The following SLC14A2 variants were observed in gnomAD, a reference collection of about 807,000 sequenced individuals.
The protein encoded by SLC14A2 is urea transporter 2.
Under a neutral mutation model 104.6 loss-of-function variants are expected in SLC14A2, and 91 were observed. That is an observed-to-expected ratio of 0.87 (90% CI 0.73 to 1.04). SLC14A2 has a LOEUF of 1.04. Ranked by LOEUF, SLC14A2 falls within the 50% of genes least tolerant of loss-of-function variation. SLC14A2 has a pLI of 0.00. For synonymous variants in SLC14A2, 476 were observed against 466.4 expected, an observed-to-expected ratio of 1.02 and a Z score of -0.27; for missense variants, 1,189 against 1,156.0, an observed-to-expected ratio of 1.03 and a Z score of -0.41.
At chr18:45,419,896 C>T (rs1017803467) in intron 1 of SLC14A2, among the ~76,000 whole-genome samples, 7 of 152,188 alleles carry the variant, frequency 4.6e-5, no homozygotes, top group African/African-American at 9.7e-5. Flanking sequence ...GATTCACCTC[C>T]GGTTCTCCCT....
At chr18:45,431,640 A>G (rs1214327687) in intron 1 of SLC14A2, among the ~76,000 whole-genome samples, 1 of 152,196 alleles carries the variant, frequency 6.6e-6, no homozygotes, top group Non-Finnish European at 1.5e-5. Context: ...GCCTGAAGGG[A>G]CAGCTCAGTT....
At chr18:45,349,179 A>G (rs2085478451) in intron 1 of SLC14A2, among the ~76,000 whole-genome samples, 1 of 152,214 alleles carries the variant, frequency 6.6e-6, no homozygotes, top group African/African-American at 2.4e-5. Context: ...ACAGCAGATC[A>G]TATTTGGAAG....
intron 2 of SLC14A2, among the ~76,000 whole-genome samples, chr18:45,510,622 GC>G (rs1444944511): frequency 6.6e-6 from 1 of 151,968 alleles, no homozygotes; most frequent in African/African-American, 2.4e-5. Flanking sequence ...CCACCCAGAG[GC>G]AGAATCAAAA....
chr18:45,520,093 G>A (rs976287122), intron 2 of SLC14A2, among the ~76,000 whole-genome samples: 1 of 152,200 alleles, frequency 6.6e-6, no homozygotes, highest in Non-Finnish European at 1.5e-5. Flanking sequence ...TACGTAGAGG[G>A]TGGAAACCAT....
At chr18:45,563,414 G>C (rs1333079943) in intron 2 of SLC14A2, among the ~76,000 whole-genome samples, 1 of 152,138 alleles carries the variant, frequency 6.6e-6, no homozygotes, top group Non-Finnish European at 1.5e-5. Flanking sequence ...AAAAAGAAAA[G>C]AATTCAAAAT....
chr18:45,501,638 A>G (rs2043200919), intron 2 of SLC14A2, among the ~76,000 whole-genome samples: 1 of 152,214 alleles, frequency 6.6e-6, no homozygotes. Flanking sequence ...CTGGGCAAGG[A>G]TAAAGTTAGC....
chr18:45,212,288 T>A (rs1727070434), upstream of SLC14A2, among the ~76,000 whole-genome samples: 1 of 152,176 alleles, frequency 6.6e-6, no homozygotes, highest in Non-Finnish European at 1.5e-5. Flanking sequence ...TGTAAGAAAC[T>A]GTAGCAAGTC....
At chr18:45,538,257 T>G (rs985383203) in intron 2 of SLC14A2, among the ~76,000 whole-genome samples, 3 of 152,188 alleles carry the variant, frequency 2.0e-5, no homozygotes, top group African/African-American at 7.2e-5. Context: ...GGAGAGCCTT[T>G]GAAATATGGT....
At chr18:45,177,736 G>T in the SLC14A2 span, among the ~76,000 whole-genome samples, 1 of 152,138 alleles carries the variant, frequency 6.6e-6, no homozygotes. Context: ...GGTCCTTCCT[G>T]AGACATGAGA....
intron 1 of SLC14A2, among the ~76,000 whole-genome samples, chr18:45,437,143 T>G (rs925661060): frequency 7.9e-5 from 12 of 152,220 alleles, no homozygotes; most frequent in Admixed American, 7.8e-4. Context: ...TGCTTTGCCC[T>G]TTATTTTCAT....
chr18:45,423,675 T>C (rs539048530), intron 1 of SLC14A2: 1 of 152,184 alleles, frequency 6.6e-6, no homozygotes, highest in South Asian at 2.1e-4. Flanking sequence ...AAAAAAATCT[T>C]TTTAAAAAAA....
rs887047272 is a variant in SLC14A2, at chr18:45,619,660, GGCGCTGA to G, written c.-35+4081_-35+4087del. ...TTCTTGGAAGCAGGTTTAATGGACT[GGCGCTGA>G]GCTGAGCTGGGAACGGGCTGAGGCC... On this transcript the variant is annotated intron_variant, in intron 1 of 19. Coordinates refer to ENST00000255226, the MANE Select transcript of SLC14A2 (RefSeq NM_007163.4). Among the ~76,000 whole-genome samples, 123 of 152,304 alleles carry G rather than the reference GGCGCTGA, an allele frequency of 8.1e-4. 1 individual carries two copies. The highest frequency in any genetic ancestry group is 2.9e-3 in the African/African-American group (119 of 41,580).
At chr18:45,587,247 T>G (rs2044580035) in intron 2 of SLC14A2, among the ~76,000 whole-genome samples, 1 of 152,194 alleles carries the variant, frequency 6.6e-6, no homozygotes, top group African/African-American at 2.4e-5. Flanking sequence ...AGTGCTGGGA[T>G]TACAGACATG....
chr18:45,557,416 G>T (rs778643565), intron 2 of SLC14A2, among the ~76,000 whole-genome samples: 2 of 152,220 alleles, frequency 1.3e-5, no homozygotes, highest in Non-Finnish European at 2.9e-5. Flanking sequence ...ATGTGTGTAA[G>T]TTGCATTTAT....
Position 45,359,732 on chromosome 18 carries a change from T to C in SLC14A2, c.-124-123501T>C, listed in dbSNP as rs138611172. ...GCAGCAGCCTGGAGAGCACAAATTATGGCAAGCTGCTTCCAGCCCATTATG... is the reference window on the plus strand; with the variant it reads ...GCAGCAGCCTGGAGAGCACAAATTACGGCAAGCTGCTTCCAGCCCATTATG... On this transcript the variant is annotated intron_variant, in intron 1 of 20. Transcript: ENST00000586448. Among the ~76,000 whole-genome samples, 15 of 152,290 alleles carry C rather than the reference T, an allele frequency of 9.8e-5. No homozygotes were observed. The East Asian group carries it at 2.9e-3, about 29-fold the overall frequency.
At chr18:45,388,657 G>A (rs1008665255) in intron 1 of SLC14A2, among the ~76,000 whole-genome samples, 35 of 152,160 alleles carry the variant, frequency 2.3e-4, no homozygotes, top group African/African-American at 7.9e-4. Flanking sequence ...TTCCCCAAGA[G>A]AACACTTAAG....
chr18:45,189,740 A>G, the SLC14A2 span, among the ~76,000 whole-genome samples: 1 of 152,360 alleles, frequency 6.6e-6, no homozygotes, highest in African/African-American at 2.4e-5. Context: ...GTAAGTGCTC[A>G]GTGACAGATG....
intron 1 of SLC14A2, among the ~76,000 whole-genome samples, chr18:45,366,989 G>A (rs1243766774): frequency 6.6e-6 from 1 of 152,176 alleles, no homozygotes; most frequent in Non-Finnish European, 1.5e-5. Context: ...TACACACAGA[G>A]ACAGAAGTAA....
At chr18:45,543,213 G>T (rs2043916826) in intron 2 of SLC14A2, among the ~76,000 whole-genome samples, 1 of 152,022 alleles carries the variant, frequency 6.6e-6, no homozygotes, top group Admixed American at 6.5e-5. Context: ...CTCCCAAAGT[G>T]CTGGGATTAC....
Sources: allele counts gnomAD v4.1 joint callset (sites outside exome capture counted in the v4.1 genomes callset), GRCh38; gene constraint gnomAD v4.1.1; transcripts MANE v1.5; gene names NCBI Gene and HGNC (gene_info 2026-07-23, HGNC 2026-07-21).